WDPCP: variants seen among roughly 807,000 people sequenced by gnomAD.
The protein encoded by WDPCP is WD repeat containing planar cell polarity effector.
WDPCP carries 71 observed loss-of-function variants against 93.1 expected under a neutral mutation model. The observed-to-expected ratio is 0.76, with a 90% confidence interval of 0.63 to 0.93. The LOEUF is 0.93. Among genes scored for constraint, WDPCP ranks in the 40% least tolerant of loss-of-function variants. The probability of loss-of-function intolerance (pLI) is 0.00; values close to 1 mark genes in which losing one functional copy is unlikely to be tolerated. For missense variants in WDPCP, 844 were observed against 887.4 expected (o/e 0.95, Z 0.62); for synonymous variants, 315 against 315.0 (o/e 1.00, Z 0.00).
intron 1 of WDPCP, among the ~76,000 whole-genome samples, chr2:63,814,741 A>C (rs1261892544): frequency 1.3e-5 from 2 of 152,210 alleles, no homozygotes; most frequent in African/African-American, 4.8e-5. Context: ...TGTGTCTTTA[A>C]ATATATTTAT....
At chr2:63,571,024 C>T (rs531206125) in intron 1 of WDPCP, among the ~76,000 whole-genome samples, 7 of 152,170 alleles carry the variant, frequency 4.6e-5, no homozygotes, top group African/African-American at 1.4e-4. Context: ...CCTGCCTCAG[C>T]CTCCTGAACA....
At chr2:63,338,567 AAAATATAT>A (rs1558490156) in intron 12 of WDPCP, among the ~76,000 whole-genome samples, 4 of 10,980 alleles carry the variant, frequency 3.6e-4, no homozygotes, top group Admixed American at 3.4e-3. Flanking sequence ...AAAAAAAAAA[AAAATATAT>A]ATATATATAT....
intron 1 of WDPCP, 135 bp downstream of exon 1, chr2:63,588,062 T>C: frequency 9.0e-7 from 1 of 1,108,450 alleles, no homozygotes; most frequent in Non-Finnish European, 1.3e-6. Context: ...ACAGCCCTCA[T>C]ACTCCGCTCA....
At chr2:63,607,154 A>G in intron 3 of WDPCP, 1 of 517,242 alleles carries the variant, frequency 1.9e-6, no homozygotes. Context: ...GTTTATCGTC[A>G]TGCTGTTAGT....
chr2:63,121,380 C>CTTTTTTTTTTTTT lies in WDPCP; in HGVS notation c.*613_*625dup, dbSNP rs139878372. 6 of 87,328 alleles carry CTTTTTTTTTTTTT rather than the reference C, an allele frequency of 6.9e-5. No homozygotes were observed. Among genetic ancestry groups the CTTTTTTTTTTTTT allele is most frequent in the East Asian group, 3.2e-4 (1 of 3,126 alleles). 5.4% of individuals were successfully genotyped at this position (87,328 alleles called of 1,614,324 possible). A position where few individuals can be genotyped will look rare whatever the true frequency, so the allele number is the denominator to read the frequency against. ...AGGACTTTCTTTCTTTCTTTTCTTT[C>CTTTTTTTTTTTTT]TTTTTTTTTTTTTTTTTTTTTGGAG... On this transcript the variant is annotated 3_prime_UTR_variant, in exon 18 of 18. Transcript: ENST00000272321.
At chr2:63,479,067 C>G (rs763578548) in intron 6 of WDPCP, among the ~76,000 whole-genome samples, 28 of 151,214 alleles carry the variant, frequency 1.9e-4, no homozygotes, top group Non-Finnish European at 3.7e-4. Flanking sequence ...CACCTTTATG[C>G]CCATAAACTA....
At position 63,220,458 on chromosome 2, in the gene WDPCP, G is replaced by A. The variant is rs116046912; in HGVS notation, c.1915+38849C>T. ...AAAATTGATAGTATGGATATGTTTT[G>A]GAGGAAAATGGTGTCTCCAACTTGG... On this transcript the variant is annotated intron_variant, in intron 14 of 17. Coordinates refer to ENST00000272321, the MANE Select transcript of WDPCP (RefSeq NM_015910.7). Among the ~76,000 whole-genome samples the A allele has an allele frequency of 8.0e-3, 1,218 of 152,268 alleles. 16 individuals carry two copies. Among genetic ancestry groups the A allele is most frequent in the African/African-American group, 0.029 (1,186 of 41,550 alleles).
intron 2 of WDPCP, among the ~76,000 whole-genome samples, chr2:63,682,436 G>A (rs1558883093): frequency 6.6e-6 from 1 of 152,012 alleles, no homozygotes. Flanking sequence ...GAATTGATGA[G>A]GAAGAAGAAT....
At chr2:63,589,084 C>G (rs767116444), upstream of WDPCP, 7 of 1,614,148 alleles carry the variant, frequency 4.3e-6, no homozygotes, top group Admixed American at 1.0e-4. Flanking sequence ...ACCTCTGGCC[C>G]TCGCGCCCTT....
chr2:63,231,899 C>G (rs910733603), intron 14 of WDPCP, among the ~76,000 whole-genome samples: 1 of 152,052 alleles, frequency 6.6e-6, no homozygotes. Context: ...AGGAACAAAG[C>G]TGGAGGCATC....
chr2:63,504,653 T>C (rs1046209328), intron 1 of WDPCP, among the ~76,000 whole-genome samples: 2 of 152,062 alleles, frequency 1.3e-5, no homozygotes, highest in African/African-American at 4.8e-5. Context: ...TGGAGCCTTT[T>C]GACCCCTGAG....
chr2:63,685,800 T>C (rs1668798198), intron 2 of WDPCP, among the ~76,000 whole-genome samples: 1 of 152,128 alleles, frequency 6.6e-6, no homozygotes. Context: ...ATGGTTTGAT[T>C]TGTGCAAATA....
At chr2:63,460,089 C>T (rs1698903924) in intron 6 of WDPCP, among the ~76,000 whole-genome samples, 1 of 152,090 alleles carries the variant, frequency 6.6e-6, no homozygotes. Flanking sequence ...ATCTAAATGC[C>T]CATCAACAGA....
chr2:63,791,348 G>A (rs934614213), intron 2 of WDPCP, among the ~76,000 whole-genome samples: 4 of 152,122 alleles, frequency 2.6e-5, no homozygotes, highest in South Asian at 4.1e-4. Flanking sequence ...TCCAATCTCC[G>A]TTCCTTACTT....
chr2:63,785,610 T>C (rs1158204573), intron 2 of WDPCP, among the ~76,000 whole-genome samples: 1 of 152,202 alleles, frequency 6.6e-6, no homozygotes, highest in Non-Finnish European at 1.5e-5. Context: ...TGTTCTTCTC[T>C]TTATTATATT....
rs558465292 is a variant in WDPCP, at chr2:63,682,512, A to G, written n.309-31674T>C. 9.2e-5 allele frequency among the ~76,000 whole-genome samples: 14 copies of G among 152,288 alleles called. 1 individual carries two copies. Among genetic ancestry groups the G allele is most frequent in the African/African-American group, 3.1e-4 (13 of 41,570 alleles). On this transcript the variant is annotated intron_variant and non_coding_transcript_variant, in intron 2 of 4. Coordinates refer to the WDPCP transcript ENST00000467687. The stretch of plus-strand genomic sequence containing the variant: ...GAGGAGACAAAAGAAAAAAGAATAA[A>G]AAACAATGAAGCATGCCTACAGGAT...
intron 15 of WDPCP, among the ~76,000 whole-genome samples, chr2:63,154,916 T>C (rs1238712676): frequency 6.6e-6 from 1 of 152,170 alleles, no homozygotes; most frequent in Non-Finnish European, 1.5e-5. Context: ...GATATTAAAT[T>C]TATTTGTTTG....
chr2:63,229,362 A>C (rs1208180208), intron 14 of WDPCP: 1 of 151,744 alleles, frequency 6.6e-6, no homozygotes, highest in African/African-American at 2.4e-5. Flanking sequence ...GGTTGCAAAA[A>C]TTTTCTCCCA....
At chr2:63,361,794 A>G (rs1021971519) in intron 12 of WDPCP, among the ~76,000 whole-genome samples, 1 of 152,184 alleles carries the variant, frequency 6.6e-6, no homozygotes, top group African/African-American at 2.4e-5. Flanking sequence ...CAAGGCTGAC[A>G]AAGGTTAAAG....
Sources: gnomAD v4.1 joint callset for allele counts (sites outside exome capture counted in the v4.1 genomes callset) on GRCh38, gnomAD v4.1.1 for gene constraint, MANE v1.5 for transcripts, NCBI Gene and HGNC (gene_info 2026-07-23, HGNC 2026-07-21) for gene names.